Variants in STK3 observed in about 807,000 individuals in gnomAD.
STK3 encodes serine/threonine-protein kinase 3.
In STK3, 41 loss-of-function variants were observed where a neutral mutation model predicts 58.0. The ratio of observed to expected loss-of-function variants is 0.71; its 90% confidence interval spans 0.55 to 0.92. The LOEUF is 0.92. Ranked by LOEUF, STK3 falls within the 40% of genes least tolerant of loss-of-function variation. The pLI, the probability that STK3 is intolerant of heterozygous loss-of-function variation, is 0.00. For missense variants in STK3, 479 were observed against 602.7 expected (o/e 0.79, Z 2.15); for synonymous variants, 170 against 191.0 (o/e 0.89, Z 0.91).
chr8:98,500,942 G>C (rs985672942), intron 10 of STK3, among the ~76,000 whole-genome samples: 32 of 152,218 alleles, frequency 2.1e-4, no homozygotes, highest in African/African-American at 7.2e-4. Context: ...GGATCTCTGG[G>C]TCAAATGGTA....
intron 1 of STK3, among the ~76,000 whole-genome samples, chr8:98,885,515 C>A (rs1652243899): frequency 6.6e-6 from 1 of 152,234 alleles, no homozygotes; most frequent in Admixed American, 6.5e-5. Context: ...TCTCGGCTCA[C>A]AGCAACCTCC....
chr8:98,776,547 A>G (rs1028450552), intron 1 of STK3, among the ~76,000 whole-genome samples: 6 of 152,340 alleles, frequency 3.9e-5, no homozygotes, highest in African/African-American at 1.4e-4. Flanking sequence ...TGAACAGCCT[A>G]CTTGCAGCAG....
At chr8:98,893,661 T>C (rs1025521942) in intron 1 of STK3, among the ~76,000 whole-genome samples, 1 of 151,854 alleles carries the variant, frequency 6.6e-6, no homozygotes, top group Admixed American at 6.6e-5. Context: ...GCTTGAGTTC[T>C]GTTCCTGATT....
At chr8:98,563,527 C>T (rs946233397) in intron 8 of STK3, among the ~76,000 whole-genome samples, 1 of 152,090 alleles carries the variant, frequency 6.6e-6, no homozygotes, top group Non-Finnish European at 1.5e-5. Context: ...AACAACATCC[C>T]ACAGTACAAA....
At chr8:98,652,827 T>C (rs1176961394) in intron 6 of STK3, among the ~76,000 whole-genome samples, 57 of 151,454 alleles carry the variant, frequency 3.8e-4, no homozygotes, top group Non-Finnish European at 6.9e-4. Context: ...CCCAGATTCA[T>C]AAAGCAAGTC....
chr8:98,450,216 T>A (rs534241332), downstream of STK3, among the ~76,000 whole-genome samples: 1 of 152,212 alleles, frequency 6.6e-6, no homozygotes, highest in Non-Finnish European at 1.5e-5. Context: ...AAGGCCTAAC[T>A]GGGTTCTAGG....
intron 6 of STK3, among the ~76,000 whole-genome samples, chr8:98,690,061 A>G (rs1199433965): frequency 6.6e-6 from 1 of 152,190 alleles, no homozygotes; most frequent in Non-Finnish European, 1.5e-5. Flanking sequence ...AATAAGAGGT[A>G]TCTATTACAA....
At chr8:98,658,612 C>T (rs1821727840) in intron 6 of STK3, among the ~76,000 whole-genome samples, 2 of 151,932 alleles carry the variant, frequency 1.3e-5, no homozygotes, top group South Asian at 4.1e-4. Context: ...CTCTTTCTTG[C>T]TGACGCTTCC....
At chr8:98,797,272 C>T (rs1833238530) in intron 1 of STK3, among the ~76,000 whole-genome samples, 1 of 152,232 alleles carries the variant, frequency 6.6e-6, no homozygotes, top group South Asian at 2.1e-4. Context: ...TTTGCTTCTA[C>T]TTGCCCATCA....
chr8:98,457,379 T>C (rs1444759256), intron 10 of STK3, among the ~76,000 whole-genome samples: 1 of 152,220 alleles, frequency 6.6e-6, no homozygotes, highest in Admixed American at 6.5e-5. Context: ...AAGGCCAATG[T>C]ATACCACACA....
At chr8:98,510,905 T>C (rs994079935) in intron 10 of STK3, among the ~76,000 whole-genome samples, 1 of 152,070 alleles carries the variant, frequency 6.6e-6, no homozygotes, top group Non-Finnish European at 1.5e-5. Context: ...CTTGACTGCA[T>C]TACTTTCTAA....
chr8:98,744,594 TG>T (rs1455525579), intron 4 of STK3, among the ~76,000 whole-genome samples: 7 of 38,878 alleles, frequency 1.8e-4, no homozygotes, highest in African/African-American at 7.4e-4. Flanking sequence ...GGGTGGGGGG[TG>T]GGGGGAGGGA....
At chr8:98,352,134 C>G in the STK3 span, among the ~76,000 whole-genome samples, 1 of 62,950 alleles carries the variant, frequency 1.6e-5, no homozygotes, top group Non-Finnish European at 2.8e-5. Flanking sequence ...AAGACTCTGT[C>G]TCAAAAAAAA....
chr8:98,636,651 A>G (rs1410104011), intron 6 of STK3, among the ~76,000 whole-genome samples: 1 of 152,208 alleles, frequency 6.6e-6, no homozygotes, highest in Non-Finnish European at 1.5e-5. Flanking sequence ...GCAGTGTCCT[A>G]TTACAAGAGT....
downstream of STK3, among the ~76,000 whole-genome samples, chr8:98,367,052 G>A (rs1340756845): frequency 6.6e-6 from 1 of 152,248 alleles, no homozygotes; most frequent in Admixed American, 6.5e-5. Flanking sequence ...TGTCTCCAAA[G>A]TGTTGGTGGC....
intron 10 of STK3, among the ~76,000 whole-genome samples, chr8:98,490,516 G>T (rs909341150): frequency 1.3e-5 from 2 of 152,038 alleles, no homozygotes; most frequent in African/African-American, 4.8e-5. Flanking sequence ...CAGCTGCATC[G>T]TATCAGTCTT....
chr8:98,923,167 A>G (rs1050704164), intron 1 of STK3, among the ~76,000 whole-genome samples: 5 of 152,264 alleles, frequency 3.3e-5, no homozygotes, highest in African/African-American at 1.2e-4. Context: ...AGCAAAATGT[A>G]TACTTGCTTA....
intron 6 of STK3, 81 bp from the exon 7 acceptor site, chr8:98,596,250 T>A: frequency 6.9e-7 from 1 of 1,447,356 alleles, no homozygotes; most frequent in South Asian, 1.5e-5. Flanking sequence ...TCTGTCTTTT[T>A]ATCAGACTCT....
rs1241519044 is a variant in STK3, at chr8:98,911,594, G to A, written c.-78-27760C>T. ...TTTTTAGTAGAGACGGGGTTTCATC[G>A]TGTTGGCCAGGCTGGTCTCGAACTC... On this transcript the variant is annotated intron_variant, in intron 1 of 1. Coordinates refer to the STK3 transcript ENST00000519420. 4.0e-5 allele frequency among the ~76,000 whole-genome samples: 6 copies of A among 151,794 alleles called. No individual in the cohort carries two copies. In the East Asian group the frequency reaches 7.7e-4, roughly 20 times the overall value.
Sources: gnomAD v4.1 joint callset for allele counts (sites outside exome capture counted in the v4.1 genomes callset) on GRCh38, gnomAD v4.1.1 for gene constraint, MANE v1.5 for transcripts, NCBI Gene and HGNC (gene_info 2026-07-23, HGNC 2026-07-21) for gene names.